TBC1D8: variants seen among roughly 807,000 people sequenced by gnomAD.
TBC1D8 encodes TBC1 domain family member 8, also known as BUB2-like protein 1.
In TBC1D8, 65 loss-of-function variants were observed where a neutral mutation model predicts 118.8. That is an observed-to-expected ratio of 0.55 (90% CI 0.45 to 0.67). The LOEUF (loss-of-function observed/expected upper bound fraction) is 0.67, where lower values mean the gene tolerates loss of function less well. TBC1D8 is among the 30% of genes least tolerant of loss of function. The pLI is 0.00. For synonymous variants in TBC1D8, 566 were observed against 595.8 expected (o/e 0.95, Z 0.73); for missense variants, 1,376 against 1,471.2 (o/e 0.94, Z 1.06).
In TBC1D8 at chr2:101,050,523, C is replaced by T. The variant is rs769184011; in HGVS notation, c.750G>A (p.Leu250=). Residue 250 remains leucine, a synonymous_variant, in exon 5 of 20, where the codon CTG becomes CTA. Coordinates refer to ENST00000409318, the MANE Select transcript of TBC1D8 (RefSeq NM_001330348.2). ...TGACCTTAAACACCTCATCCAGGTT[C>T]AGGAACATGGAGAAGTCACGCTCCT... The part of the protein sequence containing the change: ...QNKERDFSMF[L]NLDEVFKVME... 2.5e-6 allele frequency: 4 copies of T among 1,613,972 alleles called. No individual in the cohort carries two copies. Among genetic ancestry groups the T allele is most frequent in the Non-Finnish European group, 2.5e-6 (3 of 1,179,884 alleles).
chr2:101,116,180 G>A (rs889484399), intron 1 of TBC1D8, among the ~76,000 whole-genome samples: 4 of 152,212 alleles, frequency 2.6e-5, no homozygotes, highest in African/African-American at 9.6e-5. Flanking sequence ...AGGCAGGGAA[G>A]TACTATCTTA....
intron 3 of TBC1D8, among the ~76,000 whole-genome samples, chr2:101,058,187 C>G (rs540621817): frequency 5.6e-4 from 86 of 152,284 alleles, no homozygotes; most frequent in African/African-American, 1.9e-3. Flanking sequence ...TAGCCCACCC[C>G]CTAACCCCAC....
intron 5 of TBC1D8, among the ~76,000 whole-genome samples, chr2:101,049,982 A>T (rs944908189): frequency 6.6e-6 from 1 of 151,710 alleles, no homozygotes; most frequent in Admixed American, 6.6e-5. Flanking sequence ...GCCTGCCACC[A>T]CACCCAGCCA....
intron 1 of TBC1D8, among the ~76,000 whole-genome samples, chr2:101,114,930 TG>T (rs1677752592): frequency 6.6e-6 from 1 of 152,172 alleles, no homozygotes; most frequent in African/African-American, 2.4e-5. Context: ...GTTGGCCCCA[TG>T]GTCCCTGGTC....
chr2:101,026,925 T>C (rs1177920048), intron 15 of TBC1D8, among the ~76,000 whole-genome samples: 1 of 152,236 alleles, frequency 6.6e-6, no homozygotes, highest in Non-Finnish European at 1.5e-5. Context: ...AAATAGAATA[T>C]GAACTTGAAT....
At position 101,072,219 on chromosome 2, in the gene TBC1D8, G is replaced by C. The variant is rs140892499; in HGVS notation, c.284-12680C>G. 4.3e-3 allele frequency among the ~76,000 whole-genome samples: 652 copies of C among 152,282 alleles called. 9 individuals are homozygous for C. The highest frequency in any genetic ancestry group is 0.015 in the African/African-American group (628 of 41,550). On this transcript the variant is annotated intron_variant, in intron 2 of 19. Coordinates refer to ENST00000409318, the MANE Select transcript of TBC1D8 (RefSeq NM_001330348.2). ...ACCTGAGGCTGGGTAATTTATAAAG[G>C]AAAGAGGTTTAATTGGCTCACAGTT...
chr2:101,038,474 G>C lies in TBC1D8; in HGVS notation c.1262C>G (p.Ala421Gly), dbSNP rs767197656. ...GAGGGACCATACCATGTCATCATCCGCAGAGGTGTCGTAGTGCACGGGGTG... is the reference window on the plus strand; with the variant it reads ...GAGGGACCATACCATGTCATCATCCCCAGAGGTGTCGTAGTGCACGGGGTG... ...ANHPVHYDTS[A>G]DDDMASLVFH... The change falls in exon 7 of 20, where the codon GCG (alanine) becomes GGG (glycine). Residue 421 changes from alanine (A) to glycine (G), a missense_variant. Transcript: ENST00000409318. The C allele has an allele frequency of 6.2e-6, 10 of 1,613,644 alleles. No individual in the cohort carries two copies. The highest frequency in any genetic ancestry group is 8.5e-6 in the Non-Finnish European group (10 of 1,179,840).
intron 1 of TBC1D8, among the ~76,000 whole-genome samples, chr2:101,140,503 C>T (rs923429184): frequency 1.3e-5 from 2 of 152,062 alleles, no homozygotes; most frequent in African/African-American, 4.8e-5. Context: ...ACTTCCTGAT[C>T]GCCACTACCC....
chr2:101,027,904 C>T (rs1680431836), intron 14 of TBC1D8, 144 bp downstream of exon 14: 1 of 716,830 alleles, frequency 1.4e-6, no homozygotes. Flanking sequence ...TGTTTCTACA[C>T]TACTTCACCC....
chr2:101,091,759 G>A (rs1167344928), intron 1 of TBC1D8, among the ~76,000 whole-genome samples: 1 of 152,134 alleles, frequency 6.6e-6, no homozygotes, highest in African/African-American at 2.4e-5. Context: ...TGATTGCCTG[G>A]GAATCTAGAT....
intron 2 of TBC1D8, among the ~76,000 whole-genome samples, chr2:101,084,514 G>A (rs1296915772): frequency 1.3e-5 from 2 of 152,118 alleles, no homozygotes; most frequent in East Asian, 1.9e-4. Context: ...TCGCATGACC[G>A]CACCCTAGCC....
chr2:101,056,880 T>A (rs2105420768), intron 3 of TBC1D8, among the ~76,000 whole-genome samples: 1 of 152,098 alleles, frequency 6.6e-6, no homozygotes, highest in East Asian at 1.9e-4. Flanking sequence ...TTTTGTAGAG[T>A]CATCAAAGGT....
chr2:101,077,014 T>C (rs1179699301), intron 2 of TBC1D8, among the ~76,000 whole-genome samples: 1 of 152,144 alleles, frequency 6.6e-6, no homozygotes, highest in Non-Finnish European at 1.5e-5. Flanking sequence ...TAGTGCTACA[T>C]ACTTTTTATT....
chr2:101,067,811 G>A (rs1683097438), intron 2 of TBC1D8, among the ~76,000 whole-genome samples: 1 of 152,156 alleles, frequency 6.6e-6, no homozygotes, highest in Non-Finnish European at 1.5e-5. Context: ...AGATGCTGTT[G>A]GTAGCATTTT....
At chr2:101,125,003 A>C (rs892941681) in intron 1 of TBC1D8, among the ~76,000 whole-genome samples, 1 of 152,224 alleles carries the variant, frequency 6.6e-6, no homozygotes, top group African/African-American at 2.4e-5. Context: ...AAGATCACCA[A>C]GGTTCGTGAC....
At chr2:101,028,629 G>T in intron 12 of TBC1D8, 197 bp from the exon 13 acceptor site, 1 of 684,166 alleles carries the variant, frequency 1.5e-6, no homozygotes, top group Non-Finnish European at 2.2e-6. Flanking sequence ...GGGCTCCACA[G>T]GTGGCTTTCC....
intron 2 of TBC1D8, 82 bp from the exon 3 acceptor site, chr2:101,059,621 T>C (rs1258939391): frequency 8.3e-7 from 1 of 1,205,404 alleles, no homozygotes; most frequent in Non-Finnish European, 1.2e-6. Flanking sequence ...TTTCCAAATA[T>C]TGTGTATCCC....
At chr2:101,060,099 C>T (rs1682676118) in intron 2 of TBC1D8, among the ~76,000 whole-genome samples, 3 of 152,212 alleles carry the variant, frequency 2.0e-5, no homozygotes, top group South Asian at 4.1e-4. Context: ...AGTGAGTTAC[C>T]GCTGGGACTG....
chr2:101,035,029 C>A (rs572056541), intron 9 of TBC1D8, among the ~76,000 whole-genome samples: 4 of 151,646 alleles, frequency 2.6e-5, no homozygotes, highest in African/African-American at 9.7e-5. Context: ...GGGGGGGAGA[C>A]AGGGAAGAGG....
Sources: gnomAD v4.1 joint callset for allele counts (sites outside exome capture counted in the v4.1 genomes callset) on GRCh38, gnomAD v4.1.1 for gene constraint, MANE v1.5 for transcripts, NCBI Gene and HGNC (gene_info 2026-07-23, HGNC 2026-07-21) for gene names.